Variants in LRRTM4 observed in about 807,000 individuals in gnomAD.
LRRTM4 encodes the protein leucine rich repeat transmembrane neuronal 4.
LRRTM4 carries 25 observed loss-of-function variants against 47.6 expected under a neutral mutation model. The ratio of observed to expected loss-of-function variants is 0.53; its 90% confidence interval spans 0.38 to 0.73. The LOEUF is 0.73. Ranked by LOEUF, LRRTM4 falls within the 30% of genes least tolerant of loss-of-function variation. LRRTM4 has a pLI of 0.00. For missense variants in LRRTM4, 638 were observed against 713.4 expected (o/e 0.89, Z 1.20); for synonymous variants, 311 against 269.5 (o/e 1.15, Z -1.51).
At chr2:77,178,180 T>C (rs549418832) in intron 3 of LRRTM4, among the ~76,000 whole-genome samples, 18 of 152,312 alleles carry the variant, frequency 1.2e-4, no homozygotes, top group African/African-American at 4.1e-4. Context: ...AATGTAGAAA[T>C]TGCATGTAGG....
intron 3 of LRRTM4, among the ~76,000 whole-genome samples, chr2:76,776,132 C>A (rs1202618413): frequency 6.6e-6 from 1 of 152,138 alleles, no homozygotes; most frequent in African/African-American, 2.4e-5. Flanking sequence ...GTATATGTCC[C>A]ACATTTTCTT....
intron 3 of LRRTM4, among the ~76,000 whole-genome samples, chr2:77,501,985 T>C (rs1316729762): frequency 6.6e-6 from 1 of 151,406 alleles, no homozygotes; most frequent in Admixed American, 6.6e-5. Context: ...GAAATATCAC[T>C]ATAAATTGTT....
chr2:76,791,648 G>T (rs1280755000), intron 3 of LRRTM4, among the ~76,000 whole-genome samples: 1 of 152,274 alleles, frequency 6.6e-6, no homozygotes, highest in East Asian at 1.9e-4. Flanking sequence ...CTTAAGCTGT[G>T]AGAACCAGTT....
intron 3 of LRRTM4, among the ~76,000 whole-genome samples, chr2:77,090,958 C>T (rs186468360): frequency 0.02 from 2,973 of 152,054 alleles, 52 homozygotes; most frequent in African/African-American, 0.067. Context: ...GGAGGCTACC[C>T]GCTCCACATT....
intron 3 of LRRTM4, among the ~76,000 whole-genome samples, chr2:77,183,132 TCAGA>T (rs1673396433): frequency 6.6e-6 from 1 of 151,980 alleles, no homozygotes; most frequent in Non-Finnish European, 1.5e-5. Context: ...GAAACTACTA[TCAGA>T]GTGAACAGGC....
intron 3 of LRRTM4, among the ~76,000 whole-genome samples, chr2:76,812,054 C>T (rs1251295957): frequency 1.3e-5 from 2 of 152,046 alleles, no homozygotes; most frequent in South Asian, 2.1e-4. Context: ...AGCAATAAAA[C>T]ATTAAAATAA....
At chr2:77,409,119 A>T (rs982267478) in intron 3 of LRRTM4, among the ~76,000 whole-genome samples, 3 of 152,212 alleles carry the variant, frequency 2.0e-5, no homozygotes, top group African/African-American at 7.2e-5. Flanking sequence ...GAAAATCTAG[A>T]TAACAATAGT....
intron 3 of LRRTM4, among the ~76,000 whole-genome samples, chr2:77,253,976 C>A (rs959736375): frequency 2.6e-5 from 4 of 151,942 alleles, no homozygotes; most frequent in Non-Finnish European, 4.4e-5. Context: ...CCAAAATTGA[C>A]AAGATATAAA....
rs1032403656 is a variant in LRRTM4 at position 77,375,082 on chromosome 2, T to G, written c.1551+143236A>C. Among the ~76,000 whole-genome samples, 4 of 151,776 alleles carry G rather than the reference T, an allele frequency of 2.6e-5. No individual in the cohort carries two copies. In the East Asian group the frequency reaches 5.8e-4, roughly 22 times the overall value. The stretch of plus-strand genomic sequence containing the variant: ...AAAAGTCATACATTCACTCTTTTCT[T>G]CTTTCTTGCCTTTTTTTTCTCTCTG... On this transcript the variant is annotated intron_variant, in intron 3 of 3. Transcript: ENST00000409884.
At chr2:77,318,093 G>A (rs1384814561) in intron 3 of LRRTM4, among the ~76,000 whole-genome samples, 1 of 133,782 alleles carries the variant, frequency 7.5e-6, no homozygotes, top group Non-Finnish European at 1.5e-5. Flanking sequence ...TACAAGCTCC[G>A]CCTCCCAGGT....
At chr2:77,125,173 G>T (rs1174530606) in intron 3 of LRRTM4, among the ~76,000 whole-genome samples, 1 of 152,150 alleles carries the variant, frequency 6.6e-6, no homozygotes, top group Non-Finnish European at 1.5e-5. Flanking sequence ...ACATCTGCTG[G>T]AGTTCTAGCT....
At chr2:76,771,500 C>A (rs1352228160) in intron 3 of LRRTM4, among the ~76,000 whole-genome samples, 1 of 152,130 alleles carries the variant, frequency 6.6e-6, no homozygotes, top group Non-Finnish European at 1.5e-5. Context: ...CCTTTAACCA[C>A]TGAGCTCCCA....
chr2:77,511,862 A>C (rs1251027590), intron 3 of LRRTM4, among the ~76,000 whole-genome samples: 4 of 152,182 alleles, frequency 2.6e-5, no homozygotes, highest in Non-Finnish European at 5.9e-5. Context: ...ATGACCTTAA[A>C]TCAAATGACT....
intron 3 of LRRTM4, among the ~76,000 whole-genome samples, chr2:77,287,402 T>G (rs1276399905): frequency 6.6e-6 from 1 of 151,554 alleles, no homozygotes; most frequent in Non-Finnish European, 1.5e-5. Flanking sequence ...AAAATATATA[T>G]TATATATCTA....
intron 3 of LRRTM4, among the ~76,000 whole-genome samples, chr2:76,953,490 T>TACAGA (rs765450171): frequency 6.6e-6 from 1 of 151,808 alleles, no homozygotes; most frequent in Non-Finnish European, 1.5e-5. Context: ...ACACACACAT[T>TACAGA]ACGTTCTCTT....
intron 3 of LRRTM4, among the ~76,000 whole-genome samples, chr2:77,168,983 A>G (rs1426139031): frequency 6.6e-6 from 1 of 152,164 alleles, no homozygotes; most frequent in Non-Finnish European, 1.5e-5. Flanking sequence ...AAAACCATAT[A>G]ATCATTTTAA....
At chr2:76,965,799 A>C (rs1392285008) in intron 3 of LRRTM4, among the ~76,000 whole-genome samples, 2 of 151,488 alleles carry the variant, frequency 1.3e-5, no homozygotes, top group Non-Finnish European at 3.0e-5. Context: ...TGTCACAATT[A>C]CATAAGTTAT....
chr2:76,775,013 C>G (rs1406601202), intron 3 of LRRTM4, among the ~76,000 whole-genome samples: 1 of 152,168 alleles, frequency 6.6e-6, no homozygotes, highest in Non-Finnish European at 1.5e-5. Flanking sequence ...TTTAATTCCT[C>G]TAGTGTGGTG....
intron 3 of LRRTM4, among the ~76,000 whole-genome samples, chr2:77,224,845 C>A (rs7572591): frequency 0.2 from 29,817 of 151,852 alleles, 5,633 homozygotes; most frequent in African/African-American, 0.49. Flanking sequence ...ACCATTTGAC[C>A]CAGCCATCCC....
Sources: allele counts gnomAD v4.1 joint callset (sites outside exome capture counted in the v4.1 genomes callset), GRCh38; gene constraint gnomAD v4.1.1; transcripts MANE v1.5; gene names NCBI Gene and HGNC (gene_info 2026-07-23, HGNC 2026-07-21).